Variants in SCN1A observed in about 807,000 individuals in gnomAD.
SCN1A encodes the protein sodium voltage-gated channel alpha subunit 1.
SCN1A carries 13 observed loss-of-function variants against 193.7 expected under a neutral mutation model. The ratio of observed to expected loss-of-function variants is 0.07; its 90% CI spans 0.04 to 0.11. The LOEUF (loss-of-function observed/expected upper bound fraction) is 0.11, where lower values mean the gene tolerates loss of function less well. SCN1A is among the 10% of genes least tolerant of loss of function. The probability of loss-of-function intolerance (pLI) is 1.00; values close to 1 mark genes in which losing one functional copy is unlikely to be tolerated. For missense variants in SCN1A, 1,432 were observed against 2,451.1 expected (o/e 0.58, Z 8.78); for synonymous variants, 781 against 843.6 (o/e 0.93, Z 1.29).
Position 165,992,542 on chromosome 2 carries a change from A to G in SCN1A, c.4853-120T>C. 1.3e-6 allele frequency: 1 copy of G among 774,980 alleles called. No individual in the cohort carries two copies. The highest frequency in any genetic ancestry group is 2.9e-5 in the East Asian group (1 of 34,398). The allele number at this position is 774,980 out of a possible 1,614,324, so 48.0% of individuals were successfully genotyped here. On this transcript the variant is annotated intron_variant, in intron 28 of 28. Transcript: ENST00000674923. This position sits in a 1 kb window ranked among gnomAD's most constrained non-coding sequence, Gnocchi z 6.5. ...CCTGAACCCAGTTATATTAAATATG[A>G]CAACTATATATAATATATATATAAT...
At chr2:166,141,276 C>G (rs1692069522) in intron 1 of SCN1A, among the ~76,000 whole-genome samples, 2 of 151,426 alleles carry the variant, frequency 1.3e-5, no homozygotes. Context: ...TCTCTTCCCT[C>G]AGGCCCAGTC....
At chr2:166,129,900 A>C (rs1691584366), upstream of SCN1A, among the ~76,000 whole-genome samples, 1 of 152,114 alleles carries the variant, frequency 6.6e-6, no homozygotes, top group Non-Finnish European at 1.5e-5. Flanking sequence ...GGACTGGAGC[A>C]AGAGAGGGTA....
At chr2:166,080,399 T>C (rs1685392022) in intron 2 of SCN1A, among the ~76,000 whole-genome samples, 2 of 151,842 alleles carry the variant, frequency 1.3e-5, no homozygotes, top group African/African-American at 2.4e-5. Flanking sequence ...AAGATGATTA[T>C]GGTTATGCAT....
At chr2:166,145,801 C>G (rs1692297829) in intron 1 of SCN1A, among the ~76,000 whole-genome samples, 1 of 152,146 alleles carries the variant, frequency 6.6e-6, no homozygotes, top group Non-Finnish European at 1.5e-5. Context: ...CAACTGCCTT[C>G]TATGTATGGT....
At chr2:166,040,005 A>G (rs7586584) in intron 16 of SCN1A, among the ~76,000 whole-genome samples, 3,649 of 147,670 alleles carry the variant, frequency 0.025, 224 homozygotes, top group Admixed American at 0.15. Context: ...GCTCACTGCA[A>G]GCTCCTGGGT....
At position 166,036,306 on chromosome 2, in the gene SCN1A, CTTG is replaced by C. The variant is rs796053069; in HGVS notation, c.3168_3170del (p.Asn1056del). ...TATGATTGGACATACAACTGTCTTT[CTTG>C]TTGTTTAGATCATCAAGTGGTTTAA... On this transcript the variant is annotated inframe_deletion, in exon 19 of 29. Coordinates refer to ENST00000674923, the MANE Select transcript of SCN1A (RefSeq NM_001165963.4). The C allele has an allele frequency of 6.2e-7, 1 of 1,613,672 alleles. No homozygotes were observed. The highest frequency in any genetic ancestry group is 8.5e-7 in the Non-Finnish European group (1 of 1,179,780).
chr2:166,073,891 TGTGCCATGA>T (rs1404990940), intron 3 of SCN1A, among the ~76,000 whole-genome samples: 4 of 152,240 alleles, frequency 2.6e-5, no homozygotes, highest in African/African-American at 9.6e-5. Flanking sequence ...ATACAGGAAC[TGTGCCATGA>T]GTTTTAAAAG....
At chr2:166,114,898 G>A (rs1274012927) in intron 2 of SCN1A, among the ~76,000 whole-genome samples, 2 of 152,084 alleles carry the variant, frequency 1.3e-5, no homozygotes, top group African/African-American at 4.8e-5. Flanking sequence ...CATGTTAAAA[G>A]CAATATTTTA....
rs200535265 is a variant in SCN1A at position 166,019,912 on chromosome 2, CTTTTTT to C, written c.3430-4191_3430-4186del. 3.1e-3 allele frequency among the ~76,000 whole-genome samples: 419 copies of C among 134,506 alleles called. 2 individuals carry two copies. The highest frequency in any genetic ancestry group is 0.012 in the Middle Eastern group (3 of 250). The allele number at this position is 134,506 out of a possible 152,430, so 88.2% of individuals were successfully genotyped here. A position where few individuals can be genotyped will look rare whatever the true frequency, so the allele number is the denominator to read the frequency against. On this transcript the variant is annotated intron_variant, in intron 19 of 28. Transcript: ENST00000674923. ...GCTGTATGTTAATCAAGGTGAACTT[CTTTTTT>C]TTTTTTTTTTGAGACAGAGTCTCGC...
In SCN1A at chr2:166,011,834, C is replaced by A. The variant is rs1175357997; in HGVS notation, c.3879+275G>T. 2.0e-5 allele frequency among the ~76,000 whole-genome samples: 3 copies of A among 151,092 alleles called. No individual in the cohort carries two copies. In the East Asian group the frequency reaches 5.9e-4, roughly 29 times the overall value. On this transcript the variant is annotated intron_variant, in intron 22 of 28. Coordinates refer to ENST00000674923, the MANE Select transcript of SCN1A (RefSeq NM_001165963.4). ...AACATACCTTTTAAGTTCCCTGTTT[C>A]ACTACTTTCCCTACAAACTGCTGAT... is the stretch of plus-strand genomic sequence containing the variant.
chr2:166,063,955 A>G (rs1201574471), intron 4 of SCN1A, among the ~76,000 whole-genome samples: 2 of 152,072 alleles, frequency 1.3e-5, no homozygotes, highest in African/African-American at 4.8e-5. Flanking sequence ...TAAACCATCC[A>G]TTGTTCAGCA....
At chr2:165,997,991 G>A (rs1157291950) in intron 26 of SCN1A, 47 bp downstream of exon 26, 1 of 1,481,122 alleles carries the variant, frequency 6.8e-7, no homozygotes, top group African/African-American at 1.4e-5. Context: ...ACACTCCAAG[G>A]AATAATTTTC....
At chr2:166,109,330 T>G (rs757380389) in intron 2 of SCN1A, among the ~76,000 whole-genome samples, 3 of 152,196 alleles carry the variant, frequency 2.0e-5, no homozygotes, top group Non-Finnish European at 4.4e-5. Flanking sequence ...TTAAGATCAG[T>G]AATTTGAAGC....
In SCN1A at chr2:166,127,933, C is replaced by G. The variant is rs1205101748; in HGVS notation, c.-391G>C. 1.3e-5 allele frequency: 2 copies of G among 151,440 alleles called. No individual in the cohort carries two copies. Among genetic ancestry groups the G allele is most frequent in the Non-Finnish European group, 2.9e-5 (2 of 67,968 alleles). The allele number at this position is 151,440 out of a possible 1,614,324, so 9.4% of individuals were successfully genotyped here. ...CTCACTGGGGCAGAACACACAGACA[C>G]ACAAACACACACAAACGCACACATA... On this transcript the variant is annotated 5_prime_UTR_variant, in exon 1 of 29. Transcript: ENST00000674923.
At chr2:166,019,224 TA>T (rs1693699917) in intron 19 of SCN1A, among the ~76,000 whole-genome samples, 2 of 152,220 alleles carry the variant, frequency 1.3e-5, no homozygotes, top group African/African-American at 4.8e-5. Flanking sequence ...TAAGGTGATT[TA>T]AAAGATGATC....
intron 2 of SCN1A, among the ~76,000 whole-genome samples, chr2:166,086,817 G>A (rs1416393943): frequency 6.6e-6 from 1 of 152,168 alleles, no homozygotes; most frequent in Non-Finnish European, 1.5e-5. Flanking sequence ...CTGGGTTAAA[G>A]AGACCCTCTA....
chr2:166,048,794 G>A, intron 10 of SCN1A, 92 bp downstream of exon 10: 2 of 859,604 alleles, frequency 2.3e-6, no homozygotes, highest in East Asian at 2.5e-5. Flanking sequence ...TTAGTTGGCT[G>A]TTATCTTCAG....
rs998538078 is a variant in SCN1A at position 166,025,763 on chromosome 2, T to C, written c.3430-10036A>G. ...TCACTATTTTTTCTCTTTATGTATATCTTCTTCCTTTTTTGTTCCTTTTCT... is the reference window on the plus strand; with the variant it reads ...TCACTATTTTTTCTCTTTATGTATACCTTCTTCCTTTTTTGTTCCTTTTCT... On this transcript the variant is annotated intron_variant, in intron 19 of 28. Coordinates refer to ENST00000674923, the MANE Select transcript of SCN1A (RefSeq NM_001165963.4). Among the ~76,000 whole-genome samples, 5 of 152,184 alleles carry C rather than the reference T, an allele frequency of 3.3e-5. No homozygotes were observed. In the South Asian group the frequency reaches 6.2e-4, roughly 19 times the overall value.
rs121917906 is a variant in SCN1A, at chr2:166,073,542, C to G, written c.80G>C (p.Arg27Thr). 7.0e-5 allele frequency: 113 copies of G among 1,614,018 alleles called. No individual in the cohort carries two copies. The highest frequency in any genetic ancestry group is 6.6e-4 in the Middle Eastern group (4 of 6,084). The change falls in exon 4 of 29, where the codon AGA (arginine) becomes ACA (threonine). Residue 27 changes from arginine to threonine, a missense_variant. By Grantham distance (71) the Arg-to-Thr change is moderately conservative. Coordinates refer to ENST00000674923, the MANE Select transcript of SCN1A (RefSeq NM_001165963.4). Reference protein sequence around the residue: ...FTRESLAAIERRIAEEKAKNP... With the variant: ...FTRESLAAIETRIAEEKAKNP... ...CTTTGCCTTTTCTTCTGCAATGCGT[C>G]TTTCAATAGCCGCAAGAGATTCTCT...
Sources: allele counts gnomAD v4.1 joint callset (sites outside exome capture counted in the v4.1 genomes callset), GRCh38; gene constraint gnomAD v4.1.1; non-coding constraint Gnocchi (gnomAD v3.1); transcripts MANE v1.5; gene names NCBI Gene and HGNC (gene_info 2026-07-23, HGNC 2026-07-21).